PARN: variants seen among roughly 807,000 people sequenced by gnomAD.
PARN encodes poly(A)-specific ribonuclease PARN.
A neutral mutation model predicts 102.8 loss-of-function variants in PARN; 71 were observed. The ratio of observed to expected loss-of-function variants is 0.69; its 90% confidence interval spans 0.57 to 0.84. The LOEUF (loss-of-function observed/expected upper bound fraction) is 0.84, where lower values mean the gene tolerates loss of function less well. Ranked by LOEUF, PARN falls within the 40% of genes least tolerant of loss-of-function variation. PARN has a pLI of 0.00. For synonymous variants in PARN, 261 were observed against 252.9 expected (o/e 1.03, Z -0.30); for missense variants, 782 against 760.9 (o/e 1.03, Z -0.33).
chr16:14,617,590 C>G lies in PARN; in HGVS notation c.388G>C (p.Gly130Arg). The part of the protein sequence containing the change: ...GFDFNKVFRN[G>R]IPYLNQEEER... Reference sequence around the variant, plus strand: ...AAAGATAGGTTACCCATAATCTTACCATTTCGAAAAACTTTATTAAAATCA... The same window carrying G: ...AAAGATAGGTTACCCATAATCTTACGATTTCGAAAAACTTTATTAAAATCA... The change falls in exon 6 of 24, where the codon GGA becomes CGA. Residue 130 changes from glycine (G) to arginine (R), a missense_variant and splice_region_variant. Gly to Arg is a moderately radical substitution (Grantham distance 125, BLOSUM62 -2). Coordinates refer to ENST00000437198, the MANE Select transcript of PARN (RefSeq NM_002582.4). 1.3e-6 allele frequency: 2 copies of G among 1,483,426 alleles called. No individual in the cohort carries two copies. The highest frequency in any genetic ancestry group is 1.9e-6 in the Non-Finnish European group (2 of 1,060,970). 91.9% of individuals were successfully genotyped at this position (1,483,426 alleles called of 1,614,324 possible). A position where few individuals can be genotyped will look rare whatever the true frequency, so the allele number is the denominator to read the frequency against.
chr16:14,471,664 C>T (rs899083256), intron 22 of PARN, among the ~76,000 whole-genome samples: 1 of 152,158 alleles, frequency 6.6e-6, no homozygotes, highest in Non-Finnish European at 1.5e-5. Flanking sequence ...CCATTCCCAC[C>T]TCTCCTCAGG....
chr16:14,547,433 C>T (rs969437767), intron 21 of PARN, among the ~76,000 whole-genome samples: 2 of 152,084 alleles, frequency 1.3e-5, no homozygotes, highest in African/African-American at 4.8e-5. Flanking sequence ...TAGCCAGGCA[C>T]AGTGGCTCAC....
chr16:14,608,120 A>G (rs1971304431), intron 9 of PARN, 161 bp downstream of exon 9: 8 of 639,942 alleles, frequency 1.3e-5, no homozygotes, highest in Non-Finnish European at 1.9e-5. Context: ...AACAAAAGAA[A>G]ATTAAGTGAG....
intron 7 of PARN, among the ~76,000 whole-genome samples, chr16:14,609,868 T>C: frequency 6.6e-6 from 1 of 152,238 alleles, no homozygotes; most frequent in East Asian, 1.9e-4. Context: ...ACAGTGGCTG[T>C]CAGGTATTCA....
intron 21 of PARN, among the ~76,000 whole-genome samples, chr16:14,521,569 C>A (rs541016839): frequency 6.6e-6 from 1 of 152,254 alleles, no homozygotes; most frequent in South Asian, 2.1e-4. Flanking sequence ...GAGGCTGCGG[C>A]GGGCGGATCA....
chr16:14,465,936 T>C (rs1216535890), intron 22 of PARN, among the ~76,000 whole-genome samples: 1 of 152,080 alleles, frequency 6.6e-6, no homozygotes, highest in Non-Finnish European at 1.5e-5. Context: ...CACTTATAAG[T>C]AGGCACTTTG....
intron 6 of PARN, among the ~76,000 whole-genome samples, chr16:14,614,703 C>T (rs929858765): frequency 7.2e-5 from 11 of 151,884 alleles, no homozygotes; most frequent in Non-Finnish European, 1.5e-4. Flanking sequence ...ACAAAATTAG[C>T]TGGGTGTGGT....
intron 22 of PARN, among the ~76,000 whole-genome samples, chr16:14,467,431 GC>G (rs1962427347): frequency 6.6e-6 from 1 of 152,138 alleles, no homozygotes; most frequent in East Asian, 1.9e-4. Flanking sequence ...TGCAATTATA[GC>G]AAACTAGAAA....
chr16:14,459,387 T>C (rs1961844115), intron 22 of PARN, among the ~76,000 whole-genome samples: 2 of 152,218 alleles, frequency 1.3e-5, no homozygotes, highest in South Asian at 2.1e-4. Context: ...AATAAATGAC[T>C]GGAAGTGGAA....
At chr16:14,580,640 C>T (rs1969473781) in intron 18 of PARN, among the ~76,000 whole-genome samples, 2 of 151,976 alleles carry the variant, frequency 1.3e-5, no homozygotes, top group African/African-American at 4.8e-5. Flanking sequence ...TGGAAGAGAT[C>T]TACTATACTA....
intron 21 of PARN, among the ~76,000 whole-genome samples, chr16:14,526,746 A>G (rs1224009117): frequency 6.6e-6 from 1 of 152,220 alleles, no homozygotes; most frequent in East Asian, 1.9e-4. Flanking sequence ...CTATGTCTCC[A>G]TTTGCCTAAC....
intron 21 of PARN, among the ~76,000 whole-genome samples, chr16:14,486,472 C>A (rs111699198): frequency 5.3e-5 from 8 of 152,168 alleles, no homozygotes; most frequent in Non-Finnish European, 1.2e-4. Flanking sequence ...GGGTCACAGG[C>A]GAGCTGAGTT....
At chr16:14,451,808 A>C (rs1476422418) in intron 22 of PARN, among the ~76,000 whole-genome samples, 2 of 145,514 alleles carry the variant, frequency 1.4e-5, no homozygotes, top group Admixed American at 6.9e-5. Flanking sequence ...CAGGAGTTCA[A>C]GAACAGCCTG....
chr16:14,593,004 C>A (rs1034530261), intron 13 of PARN, among the ~76,000 whole-genome samples: 1 of 152,032 alleles, frequency 6.6e-6, no homozygotes, highest in Non-Finnish European at 1.5e-5. Context: ...GGCGTGGTGA[C>A]GGGTGCCTGT....
At position 14,499,172 on chromosome 16, in the gene PARN, G is replaced by A. The variant is rs562180035; in HGVS notation, c.1481-16345C>T. ...CTTAAGTAAGCTGCTTCCCTGTTAC[G>A]GGGGCTGTTGCTGCTGACACCAGAC... On this transcript the variant is annotated intron_variant, in intron 21 of 23. Coordinates refer to ENST00000437198, the MANE Select transcript of PARN (RefSeq NM_002582.4). Among the ~76,000 whole-genome samples, 26 of 152,274 alleles carry A rather than the reference G, an allele frequency of 1.7e-4. No individual in the cohort carries two copies. In the South Asian group the frequency reaches 5.0e-3, roughly 29 times the overall value.
chr16:14,511,296 G>C (rs146265028), intron 21 of PARN, among the ~76,000 whole-genome samples: 2 of 152,194 alleles, frequency 1.3e-5, no homozygotes, highest in Non-Finnish European at 2.9e-5. Flanking sequence ...TGGCTTGTTC[G>C]ATGAACACAA....
At chr16:14,499,883 C>T (rs901039962) in intron 21 of PARN, among the ~76,000 whole-genome samples, 2 of 152,138 alleles carry the variant, frequency 1.3e-5, no homozygotes, top group African/African-American at 4.8e-5. Flanking sequence ...AATACAATGG[C>T]AAGTGTGATA....
intron 21 of PARN, among the ~76,000 whole-genome samples, chr16:14,503,403 A>G (rs1033018154): frequency 1.3e-5 from 2 of 152,070 alleles, no homozygotes; most frequent in South Asian, 4.1e-4. Context: ...TTCTTTTAGC[A>G]AAGGTGATAG....
At chr16:14,459,020 A>C (rs557399518) in intron 22 of PARN, among the ~76,000 whole-genome samples, 1 of 149,758 alleles carries the variant, frequency 6.7e-6, no homozygotes, top group African/African-American at 2.5e-5. Context: ...TGAAAATCAG[A>C]GCATCAATCT....
Sources: allele counts gnomAD v4.1 joint callset (sites outside exome capture counted in the v4.1 genomes callset), GRCh38; gene constraint gnomAD v4.1.1; transcripts MANE v1.5; gene names NCBI Gene and HGNC (gene_info 2026-07-23, HGNC 2026-07-21).